CXADR: variants seen among roughly 807,000 people sequenced by gnomAD.
CXADR encodes the protein CXADR cell adhesion molecule.
Under a neutral mutation model 40.3 loss-of-function variants are expected in CXADR, and 20 were observed. The ratio of observed to expected loss-of-function variants is 0.50; its 90% CI spans 0.35 to 0.72. The LOEUF is 0.72. CXADR is among the 30% of genes least tolerant of loss of function. The pLI is 0.01. For missense variants in CXADR, 332 were observed against 449.1 expected (o/e 0.74, Z 2.36); for synonymous variants, 150 against 161.3 (o/e 0.93, Z 0.53).
chr21:17,620,128 C>T, the CXADR span, among the ~76,000 whole-genome samples: 4 of 152,232 alleles, frequency 2.6e-5, no homozygotes, highest in African/African-American at 7.2e-5. Context: ...ACTTGGCTGA[C>T]GAGTTGGCAC....
At chr21:17,609,497 C>G in the CXADR span, among the ~76,000 whole-genome samples, 1 of 152,268 alleles carries the variant, frequency 6.6e-6, no homozygotes, top group Admixed American at 6.5e-5. Context: ...CAATATTTAG[C>G]TGCAATAATC....
At chr21:17,515,418 A>G (rs1257063990) in intron 1 of CXADR, among the ~76,000 whole-genome samples, 1 of 151,892 alleles carries the variant, frequency 6.6e-6, no homozygotes, top group Non-Finnish European at 1.5e-5. Flanking sequence ...GCTGCTCTCG[A>G]GCCTGGGCGA....
intron 1 of CXADR, among the ~76,000 whole-genome samples, chr21:17,545,072 GTTTTTTTT>G (rs869189508): frequency 2.6e-3 from 144 of 55,440 alleles, no homozygotes; most frequent in Non-Finnish European, 4.0e-3. Flanking sequence ...GCTCTAATGT[GTTTTTTTT>G]TTTTTTTTTT....
chr21:17,630,308 A>T, the CXADR span, among the ~76,000 whole-genome samples: 1 of 152,224 alleles, frequency 6.6e-6, no homozygotes, highest in Admixed American at 6.5e-5. Flanking sequence ...TAAAATTACC[A>T]AGATTGTGTC....
At chr21:17,589,993 T>C (rs1386174617) in intron 7 of CXADR, among the ~76,000 whole-genome samples, 1 of 152,118 alleles carries the variant, frequency 6.6e-6, no homozygotes, top group Non-Finnish European at 1.5e-5. Flanking sequence ...ACTAATATTA[T>C]ACACAGAAAT....
chr21:17,636,029 T>C, the CXADR span, among the ~76,000 whole-genome samples: 16 of 152,250 alleles, frequency 1.1e-4, no homozygotes, highest in Non-Finnish European at 2.4e-4. Context: ...GAATTTATCC[T>C]TAAGTATTTT....
chr21:17,580,008 A>T (rs988225666), intron 7 of CXADR, among the ~76,000 whole-genome samples: 8 of 152,136 alleles, frequency 5.3e-5, no homozygotes, highest in African/African-American at 1.9e-4. Flanking sequence ...TTTTTTATAG[A>T]GATGGGATCT....
intron 3 of CXADR, among the ~76,000 whole-genome samples, chr21:17,554,928 G>A (rs1358035475): frequency 2.0e-5 from 3 of 152,154 alleles, no homozygotes; most frequent in African/African-American, 7.2e-5. Context: ...GAGCTTGTGT[G>A]TTATGTGGCC....
chr21:17,531,937 GT>G (rs59350424), intron 1 of CXADR, among the ~76,000 whole-genome samples: 152 of 140,854 alleles, frequency 1.1e-3, no homozygotes, highest in Middle Eastern at 3.6e-3. Flanking sequence ...TGTTTTTTGG[GT>G]TTTTTTTTTT....
chr21:17,573,571 A>G (rs1248208425), downstream of CXADR, among the ~76,000 whole-genome samples: 1 of 152,156 alleles, frequency 6.6e-6, no homozygotes, highest in Non-Finnish European at 1.5e-5. Context: ...AATATGGGTG[A>G]CTTTGTTAAC....
Position 17,568,713 on chromosome 21 carries a change from G to C in CXADR, c.*3021G>C. 1.0e-6 allele frequency: 1 copy of C among 985,074 alleles called. No homozygotes were observed. Among genetic ancestry groups the C allele is most frequent in the Non-Finnish European group, 1.2e-6 (1 of 829,884 alleles). The allele number at this position is 985,074 out of a possible 1,614,324, so 61.0% of individuals were successfully genotyped here. On this transcript the variant is annotated 3_prime_UTR_variant, in exon 7 of 7. Transcript: ENST00000284878. ...GCCAGTTCTGTACTTTGAATATGGA[G>C]TAGTTTACAGCTATTTTTTTTTCTT...
At chr21:17,533,301 G>A (rs763371416) in intron 1 of CXADR, among the ~76,000 whole-genome samples, 4 of 152,128 alleles carry the variant, frequency 2.6e-5, no homozygotes, top group Non-Finnish European at 5.9e-5. Flanking sequence ...CCTGAACCAT[G>A]TGCCACCTAA....
At chr21:17,626,017 C>G in the CXADR span, among the ~76,000 whole-genome samples, 1 of 152,192 alleles carries the variant, frequency 6.6e-6, no homozygotes, top group South Asian at 2.1e-4. Flanking sequence ...ACCATTAGCC[C>G]ATTTTTGACA....
At chr21:17,623,531 G>C in the CXADR span, among the ~76,000 whole-genome samples, 15 of 152,230 alleles carry the variant, frequency 9.9e-5, no homozygotes, top group Non-Finnish European at 1.0e-4. Flanking sequence ...CCATGGTTTT[G>C]AGTACTGCCT....
At chr21:17,583,459 A>T (rs781457826) in intron 7 of CXADR, among the ~76,000 whole-genome samples, 47 of 152,282 alleles carry the variant, frequency 3.1e-4, no homozygotes, top group Non-Finnish European at 5.3e-4. Flanking sequence ...ATTTTAAGAG[A>T]TTAACTTGGG....
chr21:17,568,374 T>G lies in CXADR; in HGVS notation c.*2682T>G, dbSNP rs2061240810. 6.5e-6 allele frequency: 6 copies of G among 929,362 alleles called. No homozygotes were observed. The South Asian group carries it at 2.5e-4, about 39-fold the overall frequency. 57.6% of individuals were successfully genotyped at this position (929,362 alleles called of 1,614,324 possible). A position where few individuals can be genotyped will look rare whatever the true frequency, so the allele number is the denominator to read the frequency against. On this transcript the variant is annotated 3_prime_UTR_variant, in exon 7 of 7. Transcript: ENST00000284878. Reference sequence around the variant, plus strand: ...CGATCTCCTGACCTCGTGATCTGCCTGCCTCGGCCTCCCAAAGTGCTGGGA... The same window carrying G: ...CGATCTCCTGACCTCGTGATCTGCCGGCCTCGGCCTCCCAAAGTGCTGGGA...
At position 17,567,942 on chromosome 21, in the gene CXADR, C is replaced by CAT; in HGVS notation, c.*2250_*2251insAT. ...ATTTTAGAGGACATTGTTTTAAAGG[C>CAT]TTATGTCTCACTGTAAAATTCTGTC... On this transcript the variant is annotated 3_prime_UTR_variant, in exon 7 of 7. Coordinates refer to ENST00000284878, the MANE Select transcript of CXADR (RefSeq NM_001338.5). 3.1e-6 allele frequency: 3 copies of CAT among 983,276 alleles called. No individual in the cohort carries two copies. Among genetic ancestry groups the CAT allele is most frequent in the Non-Finnish European group, 3.6e-6 (3 of 828,600 alleles). 60.9% of individuals were successfully genotyped at this position (983,276 alleles called of 1,614,324 possible). A position where few individuals can be genotyped will look rare whatever the true frequency, so the allele number is the denominator to read the frequency against.
intron 7 of CXADR, among the ~76,000 whole-genome samples, chr21:17,584,526 A>T (rs1460106325): frequency 6.6e-6 from 1 of 152,166 alleles, no homozygotes; most frequent in Non-Finnish European, 1.5e-5. Flanking sequence ...GCGATTCTGA[A>T]AGTTTTAAAA....
chr21:17,619,151 G>A, the CXADR span, among the ~76,000 whole-genome samples: 1 of 151,954 alleles, frequency 6.6e-6, no homozygotes, highest in Non-Finnish European at 1.5e-5. Flanking sequence ...AATTCTTAAG[G>A]GCCCTAGGGT....
Sources: allele counts gnomAD v4.1 joint callset (sites outside exome capture counted in the v4.1 genomes callset), GRCh38; gene constraint gnomAD v4.1.1; transcripts MANE v1.5; gene names NCBI Gene and HGNC (gene_info 2026-07-23, HGNC 2026-07-21).